The following CXCL13 variants were observed in gnomAD, a reference collection of about 807,000 sequenced individuals.
CXCL13 encodes C-X-C motif chemokine 13.
In CXCL13, 7 loss-of-function variants were observed where a neutral mutation model predicts 12.2. That is an observed-to-expected ratio of 0.57 (90% CI 0.33 to 1.07). The LOEUF (loss-of-function observed/expected upper bound fraction) is 1.07. CXCL13 is among the 50% of genes least tolerant of loss of function. CXCL13 has a pLI of 0.04. For synonymous variants in CXCL13, 47 were observed against 42.4 expected (o/e 1.11, Z -0.42); for missense variants, 113 against 127.4 (o/e 0.89, Z 0.55).
intron 1 of CXCL13, among the ~76,000 whole-genome samples, chr4:77,542,168 G>C (rs954353021): frequency 1.3e-5 from 2 of 152,058 alleles, no homozygotes; most frequent in Admixed American, 6.6e-5. Context: ...CAGATAGTTT[G>C]ACTTCTTCTT....
At chr4:77,597,322 G>A (rs1337902078) in intron 1 of CXCL13, among the ~76,000 whole-genome samples, 1 of 151,760 alleles carries the variant, frequency 6.6e-6, no homozygotes, top group East Asian at 1.9e-4. Context: ...TTCCCCTGGG[G>A]GCAAAAGGAA....
chr4:77,537,035 A>T (rs1322561127), intron 1 of CXCL13, among the ~76,000 whole-genome samples: 1 of 152,220 alleles, frequency 6.6e-6, no homozygotes, highest in Non-Finnish European at 1.5e-5. Flanking sequence ...GGTTCTATAA[A>T]CAACCTCTAG....
At chr4:77,559,779 G>GA (rs1372379378) in intron 1 of CXCL13, among the ~76,000 whole-genome samples, 1 of 151,872 alleles carries the variant, frequency 6.6e-6, no homozygotes, top group Non-Finnish European at 1.5e-5. Flanking sequence ...AAAATTAGTC[G>GA]GGCATGGTGG....
intron 1 of CXCL13, among the ~76,000 whole-genome samples, chr4:77,530,825 T>C (rs551437404): frequency 1.3e-5 from 2 of 152,278 alleles, no homozygotes; most frequent in South Asian, 2.1e-4. Flanking sequence ...AGCTTTTGTA[T>C]GTGTTTGTTC....
chr4:77,580,054 G>C (rs7685585), intron 1 of CXCL13, among the ~76,000 whole-genome samples: 1 of 152,078 alleles, frequency 6.6e-6, no homozygotes, highest in African/African-American at 2.4e-5. Context: ...TATCAGCCAG[G>C]TGCAGGTTGA....
At chr4:77,573,370 G>C (rs918167093) in intron 1 of CXCL13, among the ~76,000 whole-genome samples, 1 of 111,770 alleles carries the variant, frequency 8.9e-6, no homozygotes, top group Admixed American at 8.7e-5. Flanking sequence ...TTTTGTGTGT[G>C]TGTGTGTGTG....
chr4:77,558,607 C>A (rs1560525702), intron 1 of CXCL13, among the ~76,000 whole-genome samples: 1 of 152,186 alleles, frequency 6.6e-6, no homozygotes, highest in East Asian at 1.9e-4. Context: ...CCCGCCTTGG[C>A]CTTCCAAAGT....
At chr4:77,550,137 AT>A (rs1448980029) in intron 1 of CXCL13, among the ~76,000 whole-genome samples, 1 of 152,194 alleles carries the variant, frequency 6.6e-6, no homozygotes, top group East Asian at 1.9e-4. Flanking sequence ...TTGGCATGGG[AT>A]CTGCTGAGCC....
intron 1 of CXCL13, among the ~76,000 whole-genome samples, chr4:77,531,098 T>TTTATTA (rs59478034): frequency 0.06 from 8,663 of 144,240 alleles, 317 homozygotes; most frequent in Middle Eastern, 0.083. Context: ...AGTGAGTTTC[T>TTTATTA]TTATTATTAT....
At chr4:77,571,533 G>A (rs1180245513) in intron 1 of CXCL13, among the ~76,000 whole-genome samples, 1 of 151,844 alleles carries the variant, frequency 6.6e-6, no homozygotes, top group Non-Finnish European at 1.5e-5. Flanking sequence ...AGCTGCTCTG[G>A]TGGGGCCTTG....
intron 1 of CXCL13, among the ~76,000 whole-genome samples, chr4:77,517,272 A>T (rs538089093): frequency 6.6e-6 from 1 of 152,168 alleles, no homozygotes; most frequent in African/African-American, 2.4e-5. Context: ...GCTGAAAAAA[A>T]TGTATATTCT....
At chr4:77,591,049 T>C (rs921801774) in intron 1 of CXCL13, among the ~76,000 whole-genome samples, 2 of 152,192 alleles carry the variant, frequency 1.3e-5, no homozygotes, top group Admixed American at 6.5e-5. Context: ...CAGATAATTT[T>C]TGTATTTTTA....
intron 1 of CXCL13, among the ~76,000 whole-genome samples, chr4:77,529,871 G>A (rs181694059): frequency 4.4e-4 from 67 of 152,172 alleles, no homozygotes; most frequent in Middle Eastern, 3.4e-3. Flanking sequence ...AAAGGGAATG[G>A]TTCTAGTTTT....
At chr4:77,589,632 C>T (rs1320127240) in intron 1 of CXCL13, among the ~76,000 whole-genome samples, 2 of 152,146 alleles carry the variant, frequency 1.3e-5, no homozygotes, top group African/African-American at 2.4e-5. Flanking sequence ...TTGGAACATA[C>T]ACCCCACGAA....
intron 1 of CXCL13, among the ~76,000 whole-genome samples, chr4:77,575,377 A>G (rs907032906): frequency 2.1e-4 from 32 of 151,950 alleles, no homozygotes; most frequent in Middle Eastern, 3.4e-3. Context: ...TATCTATCCC[A>G]TGTTGATTTG....
chr4:77,607,081 G>T (rs950226152), intron 1 of CXCL13, among the ~76,000 whole-genome samples: 7 of 152,210 alleles, frequency 4.6e-5, no homozygotes, highest in Non-Finnish European at 1.0e-4. Context: ...GGGGAGGATG[G>T]CAGAGAGTCT....
At chr4:77,588,689 C>G (rs917856376) in intron 1 of CXCL13, among the ~76,000 whole-genome samples, 3 of 152,214 alleles carry the variant, frequency 2.0e-5, no homozygotes, top group Non-Finnish European at 2.9e-5. Flanking sequence ...GAATCTGGCT[C>G]TATCTTCATT....
upstream of CXCL13, among the ~76,000 whole-genome samples, chr4:77,603,126 TCCCTATA>T (rs1726927740): frequency 6.6e-6 from 1 of 152,224 alleles, no homozygotes; most frequent in Non-Finnish European, 1.5e-5. Flanking sequence ...GGTAACTTTG[TCCCTATA>T]CTCTTCCCGT....
intron 1 of CXCL13, among the ~76,000 whole-genome samples, chr4:77,548,337 C>T (rs1725426411): frequency 6.6e-6 from 1 of 152,192 alleles, no homozygotes; most frequent in Admixed American, 6.6e-5. Flanking sequence ...GCAGTATCTT[C>T]AACACATTTG....
Sources: allele counts gnomAD v4.1 joint callset (sites outside exome capture counted in the v4.1 genomes callset), GRCh38; gene constraint gnomAD v4.1.1; transcripts MANE v1.5; gene names NCBI Gene and HGNC (gene_info 2026-07-23, HGNC 2026-07-21).